The following TRAP1 variants were observed in gnomAD, a reference collection of about 807,000 sequenced individuals.
TRAP1 encodes the protein TNF receptor associated protein 1, also known as heat shock protein 75 kDa, mitochondrial.
Under a neutral mutation model 89.1 loss-of-function variants are expected in TRAP1, and 102 were observed. The ratio of observed to expected loss-of-function variants is 1.15; its 90% CI spans 0.98 to 1.35. TRAP1 has a LOEUF of 1.35. Ranked by LOEUF, TRAP1 falls within the 40% of genes most tolerant of loss-of-function variation. TRAP1 has a pLI of 0.00. For missense variants in TRAP1, 1,256 were observed against 945.3 expected (o/e 1.33, Z -4.31); for synonymous variants, 508 against 388.0 (o/e 1.31, Z -3.64).
intron 11 of TRAP1, 46 bp downstream of exon 11, chr16:3,671,676 G>A (rs771710418): frequency 1.3e-6 from 2 of 1,595,348 alleles, no homozygotes; most frequent in Non-Finnish European, 1.7e-6. Flanking sequence ...GAGCAGGTAG[G>A]GGCCTTGTCC....
Position 3,686,133 on chromosome 16 carries a change from A to T in TRAP1, c.334T>A (p.Phe112Ile). 1 of 1,613,956 alleles carries T rather than the reference A, an allele frequency of 6.2e-7. No homozygotes were observed. Among genetic ancestry groups the T allele is most frequent in the Non-Finnish European group, 8.5e-7 (1 of 1,179,906 alleles). The change falls in exon 4 of 18, where the codon TTT becomes ATT. Residue 112 changes from phenylalanine (F) to isoleucine (I), a missense_variant. Coordinates refer to ENST00000246957, the MANE Select transcript of TRAP1 (RefSeq NM_016292.3). ...ARSLYSEKEV[F>I]IRELISNASD... ...GCATTGGAGATCAGCTCCCGTATAA[A>T]CACCTACAGGAATAGAAATGGGAGG...
At position 3,708,486 on chromosome 16, in the gene TRAP1, A is replaced by T. The variant is rs984759690; in HGVS notation, c.88+8935T>A. On this transcript the variant is annotated intron_variant, in intron 1 of 17. Transcript: ENST00000246957. ...ATTCCATCTCTACTAAAAATACAAA[A>T]ATTAGCCGGGCGTGGTGACGGGTGC... Among the ~76,000 whole-genome samples, 20 of 151,914 alleles carry T rather than the reference A, an allele frequency of 1.3e-4. No homozygotes were observed. In the East Asian group the frequency reaches 1.4e-3, roughly 10 times the overall value.
chr16:3,677,525 C>A lies in TRAP1; in HGVS notation c.677G>T (p.Ser226Ile). Reference protein sequence around the residue: ...EVYSRSAAPGSLGYQWLSDGS... With the variant: ...EVYSRSAAPGILGYQWLSDGS... Reference sequence around the variant, plus strand: ...ATCTGAAAGCCACTGGTAACCCAGGCTCCCCGGGGCTGCCGAGCGGGAATA... The same window carrying A: ...ATCTGAAAGCCACTGGTAACCCAGGATCCCCGGGGCTGCCGAGCGGGAATA... Residue 226 changes from serine (S) to isoleucine (I), a missense_variant, in exon 6 of 18, where the codon AGC (serine) becomes ATC (isoleucine). Transcript: ENST00000246957. 1.2e-6 allele frequency: 2 copies of A among 1,614,218 alleles called. No individual in the cohort carries two copies. Among genetic ancestry groups the A allele is most frequent in the South Asian group, 1.1e-5 (1 of 91,086 alleles).
In TRAP1 at chr16:3,689,115, G is replaced by A. The variant is rs149410873; in HGVS notation, c.270C>T (p.Phe90=). ...CCAAAAGCTTCTTTGTCTCGGCCTG[G>A]AACTCATGTTTGGAAGTGGAACCTA... ...SVQGSTSKHE[F]QAETKKLLDI... The change falls in exon 3 of 18, where the codon TTC becomes TTT. Residue 90 remains phenylalanine (F), a synonymous_variant. Coordinates refer to ENST00000246957, the MANE Select transcript of TRAP1 (RefSeq NM_016292.3). The A allele has an allele frequency of 1.2e-5, 19 of 1,613,730 alleles. No individual in the cohort carries two copies. Among genetic ancestry groups the A allele is most frequent in the Non-Finnish European group, 1.5e-5 (18 of 1,179,922 alleles).
intron 1 of TRAP1, among the ~76,000 whole-genome samples, chr16:3,715,568 G>A (rs1234452396): frequency 5.9e-5 from 9 of 152,138 alleles, no homozygotes; most frequent in Admixed American, 4.6e-4. Context: ...CTGTGGACGC[G>A]AGACCACAAA....
chr16:3,675,149 G>A (rs1244741967), intron 8 of TRAP1, among the ~76,000 whole-genome samples, 175 bp downstream of exon 8: 1 of 152,130 alleles, frequency 6.6e-6, no homozygotes, highest in African/African-American at 2.4e-5. Context: ...CACAGGGGCA[G>A]GGCTGTGGTA....
intron 1 of TRAP1, among the ~76,000 whole-genome samples, chr16:3,691,751 C>G (rs569146116): frequency 6.6e-6 from 1 of 152,226 alleles, no homozygotes; most frequent in South Asian, 2.1e-4. Flanking sequence ...TGATTCTTTC[C>G]CATTGCTTTT....
At chr16:3,705,418 G>T (rs780258367) in intron 1 of TRAP1, among the ~76,000 whole-genome samples, 41 of 151,950 alleles carry the variant, frequency 2.7e-4, no homozygotes, top group Non-Finnish European at 4.6e-4. Context: ...AGCCACTCAT[G>T]TTCACTCTCT....
intron 15 of TRAP1, 50 bp from the exon 16 acceptor site, chr16:3,662,182 G>A: frequency 6.3e-7 from 1 of 1,576,322 alleles, no homozygotes; most frequent in Non-Finnish European, 8.6e-7. Context: ...CAATGTGAGA[G>A]GGCTGGCAGG....
In TRAP1 at chr16:3,664,303, A is replaced by G. The variant is rs776028001; in HGVS notation, c.1540T>C (p.Tyr514His). The change falls in exon 13 of 18, where the codon TAT (tyrosine) becomes CAT (histidine). Residue 514 changes from tyrosine to histidine, a missense_variant. By Grantham distance (83) the Tyr-to-His change is moderately conservative (BLOSUM62 2). Transcript: ENST00000246957. ...NRHLAEHSPY[Y>H]EAMKKKDTEV... is the part of the protein sequence containing the mutation. ...GTGTCTTTCTTCTTCATGGCCTCAT[A>G]GTAGGGTGAGTGCTCTGCCAGGTGA... 3.1e-6 allele frequency: 5 copies of G among 1,607,554 alleles called. No homozygotes were observed. In the South Asian group the frequency reaches 4.4e-5, roughly 14 times the overall value.
intron 15 of TRAP1, chr16:3,662,490 TG>T (rs1300813798): frequency 9.6e-6 from 5 of 519,012 alleles, no homozygotes; most frequent in Admixed American, 3.1e-5. Flanking sequence ...GACAGGTTGG[TG>T]GGGGGAGTCT....
intron 11 of TRAP1, among the ~76,000 whole-genome samples, chr16:3,666,534 T>C (rs1186644250): frequency 6.7e-6 from 1 of 148,564 alleles, no homozygotes; most frequent in Non-Finnish European, 1.5e-5. Context: ...GAATATAGGC[T>C]AAAATTATGT....
intron 1 of TRAP1, among the ~76,000 whole-genome samples, chr16:3,703,043 G>GAAAAAAAAAAAAAAAAA (rs36093237): frequency 2.3e-5 from 1 of 43,506 alleles, no homozygotes. Flanking sequence ...ACTCCGTCTT[G>GAAAAAAAAAAAAAAAAA]AAAAAAAAAA....
At chr16:3,679,659 C>G in intron 5 of TRAP1, 60 bp downstream of exon 5, 1 of 1,583,784 alleles carries the variant, frequency 6.3e-7, no homozygotes. Flanking sequence ...GCCACCCCTA[C>G]TGGAGGGATC....
chr16:3,702,042 T>C (rs1035062432), intron 1 of TRAP1, among the ~76,000 whole-genome samples: 3 of 152,088 alleles, frequency 2.0e-5, no homozygotes. Context: ...ACCCTGTCTC[T>C]ACTAAAAATA....
At chr16:3,713,567 G>A (rs1419314597) in intron 1 of TRAP1, among the ~76,000 whole-genome samples, 23 of 152,206 alleles carry the variant, frequency 1.5e-4, no homozygotes, top group Non-Finnish European at 5.9e-5. Context: ...TCCTATCGTG[G>A]TTGCCTCAGT....
chr16:3,666,107 T>C lies in TRAP1; in HGVS notation c.1247A>G (p.Asp416Gly), dbSNP rs778954759. The C allele has an allele frequency of 1.9e-6, 3 of 1,611,072 alleles. No homozygotes were observed. Among genetic ancestry groups the C allele is most frequent in the African/African-American group, 1.3e-5 (1 of 74,684 alleles). Reference protein sequence around the residue: ...QESALIRKLRDVLQQRLIKFF... With the variant: ...QESALIRKLRGVLQQRLIKFF... ...TTTGATCAGCCTCTGCTGTAAAACG[T>C]CCCGGAGTTTCCTACAGAAAAGAAA... Residue 416 changes from aspartate to glycine, a missense_variant, in exon 12 of 18, where the codon GAC becomes GGC. Transcript: ENST00000246957.
intron 1 of TRAP1, among the ~76,000 whole-genome samples, chr16:3,697,633 C>A (rs1354227947): frequency 2.7e-5 from 4 of 146,626 alleles, no homozygotes; most frequent in African/African-American, 1.0e-4. Context: ...CACTGCACTC[C>A]ACCCTGGGCA....
chr16:3,683,038 C>T (rs887138715), intron 4 of TRAP1, among the ~76,000 whole-genome samples: 6 of 151,992 alleles, frequency 3.9e-5, no homozygotes, highest in Non-Finnish European at 7.4e-5. Context: ...CATGGTGGCA[C>T]ATACCTGTAA....
Sources: allele counts gnomAD v4.1 joint callset (sites outside exome capture counted in the v4.1 genomes callset), GRCh38; gene constraint gnomAD v4.1.1; transcripts MANE v1.5; gene names NCBI Gene and HGNC (gene_info 2026-07-23, HGNC 2026-07-21).